ZPBP: variants seen among roughly 807,000 people sequenced by gnomAD.
ZPBP encodes zona pellucida-binding protein 1.
A neutral mutation model predicts 44.8 loss-of-function variants in ZPBP; 26 were observed. The observed-to-expected ratio is 0.58, with a 90% confidence interval of 0.43 to 0.81. The LOEUF (loss-of-function observed/expected upper bound fraction) is 0.81, where lower values mean the gene tolerates loss of function less well. Ranked by LOEUF, ZPBP falls within the 30% of genes least tolerant of loss-of-function variation. ZPBP has a pLI of 0.00. For missense variants in ZPBP, 409 were observed against 434.0 expected (o/e 0.94, Z 0.51); for synonymous variants, 174 against 153.2 (o/e 1.14, Z -1.00).
At chr7:50,061,873 G>A (rs1017602887) in intron 3 of ZPBP, among the ~76,000 whole-genome samples, 4 of 152,140 alleles carry the variant, frequency 2.6e-5, no homozygotes, top group African/African-American at 9.7e-5. Flanking sequence ...CAGCCTGGGC[G>A]ACAGAGTGAG....
intron 2 of ZPBP, among the ~76,000 whole-genome samples, chr7:49,897,805 A>C (rs1792463730): frequency 5.9e-5 from 9 of 152,202 alleles, no homozygotes; most frequent in Admixed American, 5.2e-4. Context: ...GAAAGTAAAA[A>C]ACTCCACAGG....
chr7:50,022,309 G>A (rs550873225), intron 5 of ZPBP, among the ~76,000 whole-genome samples: 8 of 151,818 alleles, frequency 5.3e-5, no homozygotes, highest in Admixed American at 5.3e-4. Context: ...AATGACAAAT[G>A]AATAAAACAA....
chr7:49,911,921 A>T, intron 1 of ZPBP: 1 of 743,236 alleles, frequency 1.3e-6, no homozygotes, highest in Non-Finnish European at 1.8e-6. Flanking sequence ...AAACAAATAC[A>T]CGCACACACA....
chr7:50,002,104 T>C (rs747443172), intron 6 of ZPBP, among the ~76,000 whole-genome samples: 2 of 152,050 alleles, frequency 1.3e-5, no homozygotes, highest in Non-Finnish European at 2.9e-5. Context: ...GACTGGGTAA[T>C]TTATAAAGGA....
At chr7:49,940,815 G>C in intron 7 of ZPBP, 6 of 985,226 alleles carry the variant, frequency 6.1e-6, no homozygotes, top group Non-Finnish European at 7.2e-6. Context: ...ACCTGTATGA[G>C]AGTCCCATGC....
intron 7 of ZPBP, among the ~76,000 whole-genome samples, chr7:49,968,476 A>C (rs1438310823): frequency 1.3e-5 from 2 of 152,190 alleles, no homozygotes; most frequent in East Asian, 3.9e-4. Context: ...GAAAAACAAT[A>C]AAATTGGTAG....
At chr7:49,977,650 C>T (rs2128774534) in intron 7 of ZPBP, among the ~76,000 whole-genome samples, 1 of 152,142 alleles carries the variant, frequency 6.6e-6, no homozygotes, top group East Asian at 1.9e-4. Context: ...CTTGAATCAG[C>T]AATAGCTATT....
At chr7:49,961,334 A>G (rs1795853800) in intron 7 of ZPBP, among the ~76,000 whole-genome samples, 1 of 152,184 alleles carries the variant, frequency 6.6e-6, no homozygotes, top group South Asian at 2.1e-4. Flanking sequence ...GAATCTCAAA[A>G]TCATTATGCT....
intron 2 of ZPBP, among the ~76,000 whole-genome samples, chr7:49,878,125 T>C (rs1056367722): frequency 1.3e-5 from 2 of 152,110 alleles, no homozygotes; most frequent in African/African-American, 4.8e-5. Context: ...TGTTAATTGG[T>C]GCTTCTACCC....
intron 4 of ZPBP, among the ~76,000 whole-genome samples, chr7:50,033,101 C>CT (rs1554377215): frequency 1.1e-4 from 17 of 150,144 alleles, no homozygotes; most frequent in Admixed American, 2.7e-4. Flanking sequence ...GTCAAGAAAG[C>CT]TTTTTTTTTA....
At chr7:50,080,013 T>C (rs1462054657) in intron 3 of ZPBP, among the ~76,000 whole-genome samples, 2 of 151,782 alleles carry the variant, frequency 1.3e-5, no homozygotes, top group East Asian at 3.9e-4. Context: ...ATAACACATC[T>C]AAACAACTTG....
chr7:49,947,405 A>G (rs1795145089), intron 7 of ZPBP, among the ~76,000 whole-genome samples: 1 of 152,158 alleles, frequency 6.6e-6, no homozygotes, highest in Non-Finnish European at 1.5e-5. Context: ...CACTGCAGCT[A>G]TATCTGCATT....
intron 6 of ZPBP, among the ~76,000 whole-genome samples, chr7:50,009,602 T>C (rs964533663): frequency 2.6e-5 from 4 of 152,040 alleles, no homozygotes; most frequent in African/African-American, 4.8e-5. Flanking sequence ...CTGAATATAA[T>C]TTCTGTGGTC....
At chr7:49,990,019 T>C (rs904225573) in intron 6 of ZPBP, among the ~76,000 whole-genome samples, 2 of 152,204 alleles carry the variant, frequency 1.3e-5, no homozygotes, top group African/African-American at 4.8e-5. Flanking sequence ...ATTCAGTTTA[T>C]GATAAAGAGT....
chr7:50,027,436 A>T (rs79593916), intron 5 of ZPBP, among the ~76,000 whole-genome samples: 102 of 152,228 alleles, frequency 6.7e-4, no homozygotes, highest in African/African-American at 2.3e-3. Context: ...AAATGAAAAT[A>T]CAACCTACCA....
At chr7:49,882,841 T>C (rs1791727319) in intron 2 of ZPBP, among the ~76,000 whole-genome samples, 1 of 152,030 alleles carries the variant, frequency 6.6e-6, no homozygotes, top group Admixed American at 6.6e-5. Flanking sequence ...TTCTATTTTT[T>C]GTGTTTTTGG....
At chr7:49,960,148 G>A (rs570696947) in intron 7 of ZPBP, among the ~76,000 whole-genome samples, 20 of 152,194 alleles carry the variant, frequency 1.3e-4, no homozygotes, top group African/African-American at 2.9e-4. Context: ...GGCCGGGCGC[G>A]GTGACTCAGG....
chr7:49,997,885 C>G (rs1797921516), intron 6 of ZPBP, among the ~76,000 whole-genome samples: 1 of 151,100 alleles, frequency 6.6e-6, no homozygotes, highest in African/African-American at 2.4e-5. Flanking sequence ...GGATCCCATT[C>G]TTTCTCAATT....
intron 4 of ZPBP, among the ~76,000 whole-genome samples, chr7:50,038,403 T>C (rs1799917446): frequency 6.6e-6 from 1 of 152,208 alleles, no homozygotes; most frequent in Admixed American, 6.5e-5. Context: ...GGAGAAGCAA[T>C]ACTGGGATCA....
Sources: gnomAD v4.1 joint callset for allele counts (sites outside exome capture counted in the v4.1 genomes callset) on GRCh38, gnomAD v4.1.1 for gene constraint, MANE v1.5 for transcripts, NCBI Gene and HGNC (gene_info 2026-07-23, HGNC 2026-07-21) for gene names.